The following GPC3 variants were observed in gnomAD, a reference collection of about 807,000 sequenced individuals.
GPC3 encodes glypican 3.
Under a neutral mutation model 34.4 loss-of-function variants are expected in GPC3, and 3 were observed. That is an observed-to-expected ratio of 0.09 (90% CI 0.04 to 0.23). The LOEUF (loss-of-function observed/expected upper bound fraction) is 0.23, where lower values mean the gene tolerates loss of function less well. GPC3 is among the 10% of genes least tolerant of loss of function. The pLI, the probability that GPC3 is intolerant of heterozygous loss-of-function variation, is 1.00. For missense variants in GPC3, 351 were observed against 445.6 expected, an observed-to-expected ratio of 0.79 and a Z score of 1.91; for synonymous variants, 177 against 174.0, an observed-to-expected ratio of 1.02 and a Z score of -0.13.
chrX:133,791,400 A>C (rs2072158669), intron 2 of GPC3, among the ~76,000 whole-genome samples: 1 of 111,818 alleles, frequency 8.9e-6, no homozygotes, highest in African/African-American at 3.3e-5. Flanking sequence ...CCTGCCAGGC[A>C]CATGCATTTA....
chrX:133,641,639 C>T lies in GPC3; in HGVS notation c.1413+20091G>A, dbSNP rs2070482745. ...GACAAACACAGAGGAAGGTCTGGCA[C>T]ACTCCCTAGTTCATGTGTTAGTTGC... On this transcript the variant is annotated intron_variant, in intron 6 of 7. Transcript: ENST00000370818. Among the ~76,000 whole-genome samples, 3 of 111,527 alleles carry T rather than the reference C, an allele frequency of 2.7e-5. No homozygotes were observed. In the Admixed American group the frequency reaches 2.9e-4, roughly 11 times the overall value.
chrX:133,546,640 A>G (rs2069389003), intron 7 of GPC3, among the ~76,000 whole-genome samples: 2 of 111,857 alleles, frequency 1.8e-5, no homozygotes, highest in Non-Finnish European at 3.8e-5. Context: ...TGGTTGCACA[A>G]CATTGTAAAT....
In GPC3 at chrX:133,842,825, C is replaced by T. The variant is rs1464337411; in HGVS notation, c.338-88649G>A. ...TTCCAAGATGGTCCCCAATGATGCA[C>T]ACCTTCTGGTATTCTTGACTTTGGA... On this transcript the variant is annotated intron_variant, in intron 2 of 7. Transcript: ENST00000370818. Among the ~76,000 whole-genome samples the T allele has an allele frequency of 2.7e-5, 3 of 111,217 alleles. No individual in the cohort carries two copies. In the Admixed American group the frequency reaches 2.9e-4, roughly 11 times the overall value.
rs2071098272 is a variant in GPC3, at chrX:133,694,773, A to C, written c.1167-2279T>G. The stretch of plus-strand genomic sequence containing the variant: ...TTAAAAAAAAAACCAAAAAACAAAC[A>C]AAAAAAAAACCACCCTGAACTTCTC... On this transcript the variant is annotated intron_variant, in intron 4 of 7. Coordinates refer to ENST00000370818, the MANE Select transcript of GPC3 (RefSeq NM_004484.4). Among the ~76,000 whole-genome samples the C allele has an allele frequency of 3.8e-5, 4 of 104,320 alleles. No individual in the cohort carries two copies. In the Admixed American group the frequency reaches 4.1e-4, roughly 11 times the overall value. The allele number at this position is 104,320 out of a possible 115,157, so 90.6% of individuals were successfully genotyped here.
chrX:133,645,636 C>T (rs1027664996), intron 6 of GPC3, among the ~76,000 whole-genome samples: 2 of 110,936 alleles, frequency 1.8e-5, no homozygotes, highest in African/African-American at 6.6e-5. Flanking sequence ...ACATAGCAAA[C>T]ATGGTGTTCT....
At chrX:133,855,639 A>T in intron 2 of GPC3, among the ~76,000 whole-genome samples, 1 of 107,958 alleles carries the variant, frequency 9.3e-6, no homozygotes, top group East Asian at 2.9e-4. Context: ...GATATAATCT[A>T]CTCATTCAGC....
intron 1 of GPC3, among the ~76,000 whole-genome samples, chrX:133,954,063 T>G (rs193276206): frequency 8.9e-6 from 1 of 111,734 alleles, no homozygotes; most frequent in Admixed American, 9.5e-5. Flanking sequence ...AGAAGCCAGA[T>G]CAAAAAGAAG....
intron 2 of GPC3, among the ~76,000 whole-genome samples, chrX:133,929,036 C>A (rs1174095224): frequency 4.5e-5 from 5 of 111,949 alleles, no homozygotes; most frequent in Non-Finnish European, 5.6e-5. Flanking sequence ...TGCCAAGGAG[C>A]TTTTCCCCTA....
At chrX:133,625,946 G>C (rs2070294183) in intron 6 of GPC3, among the ~76,000 whole-genome samples, 2 of 112,030 alleles carry the variant, frequency 1.8e-5, no homozygotes, top group South Asian at 7.4e-4. Context: ...AAAACAGCAT[G>C]GTACTGGTAC....
chrX:133,811,195 T>G (rs1282875439), intron 2 of GPC3, among the ~76,000 whole-genome samples: 1 of 112,277 alleles, frequency 8.9e-6, no homozygotes, highest in African/African-American at 3.2e-5. Flanking sequence ...GTAAGTTTTG[T>G]ACTTTGGTAT....
At chrX:133,963,771 T>G (rs1362155864) in intron 1 of GPC3, among the ~76,000 whole-genome samples, 1 of 112,425 alleles carries the variant, frequency 8.9e-6, no homozygotes, top group Non-Finnish European at 1.9e-5. Context: ...AGCTATATTT[T>G]GGCCATCTCT....
chrX:133,573,234 T>G (rs929125488), intron 7 of GPC3, among the ~76,000 whole-genome samples: 2 of 111,746 alleles, frequency 1.8e-5, no homozygotes, highest in African/African-American at 6.5e-5. Flanking sequence ...ACACTTAAAC[T>G]AGAAATAGAA....
chrX:133,797,689 G>A (rs2075589092), intron 2 of GPC3, among the ~76,000 whole-genome samples: 1 of 110,467 alleles, frequency 9.1e-6, no homozygotes, highest in African/African-American at 3.3e-5. Context: ...AATTAGCTGA[G>A]TGTGGTGGTA....
At chrX:133,915,892 T>C in intron 2 of GPC3, among the ~76,000 whole-genome samples, 1 of 111,728 alleles carries the variant, frequency 9.0e-6, no homozygotes, top group Non-Finnish European at 1.9e-5. Flanking sequence ...GGCTCAAGCC[T>C]GTAATCCCAG....
chrX:133,540,450 G>A (rs2069330767), intron 7 of GPC3, among the ~76,000 whole-genome samples: 2 of 112,263 alleles, frequency 1.8e-5, no homozygotes, highest in African/African-American at 6.5e-5. Context: ...AGTAACTCAG[G>A]AATGGAAAAC....
chrX:133,961,658 C>T (rs777646110), intron 1 of GPC3, among the ~76,000 whole-genome samples: 2 of 112,094 alleles, frequency 1.8e-5, no homozygotes, highest in African/African-American at 6.5e-5. Context: ...ATGAACAGGA[C>T]ATGGTCCCTG....
chrX:133,873,507 G>T (rs1198201190), intron 2 of GPC3, among the ~76,000 whole-genome samples: 1 of 111,254 alleles, frequency 9.0e-6, no homozygotes. Context: ...TTCCTCCTGG[G>T]TTACAACATA....
At chrX:133,555,493 G>A (rs758532852) in intron 7 of GPC3, among the ~76,000 whole-genome samples, 1 of 111,592 alleles carries the variant, frequency 9.0e-6, no homozygotes, top group South Asian at 3.8e-4. Flanking sequence ...CTGCCCACTG[G>A]CCATTTCTAC....
intron 2 of GPC3, among the ~76,000 whole-genome samples, chrX:133,912,571 CT>C (rs1334673189): frequency 9.5e-6 from 1 of 105,413 alleles, no homozygotes; most frequent in Non-Finnish European, 1.9e-5. Context: ...AATTGCCTGA[CT>C]GATTTTCAAT....
Sources: gnomAD v4.1 joint callset for allele counts (sites outside exome capture counted in the v4.1 genomes callset) on GRCh38, gnomAD v4.1.1 for gene constraint, MANE v1.5 for transcripts, NCBI Gene and HGNC (gene_info 2026-07-23, HGNC 2026-07-21) for gene names.